The following GRK1 variants were observed in gnomAD, a reference collection of about 807,000 sequenced individuals.
GRK1 encodes G protein-coupled receptor kinase 1.
GRK1 carries 28 observed loss-of-function variants against 41.7 expected under a neutral mutation model. The observed-to-expected ratio is 0.67, with a 90% CI of 0.50 to 0.92. The LOEUF (loss-of-function observed/expected upper bound fraction) is 0.92, where lower values mean the gene tolerates loss of function less well. GRK1 is among the 40% of genes least tolerant of loss of function. The pLI, the probability that GRK1 is intolerant of heterozygous loss-of-function variation, is 0.00. For synonymous variants in GRK1, 327 were observed against 286.7 expected, an observed-to-expected ratio of 1.14 and a Z score of -1.42; for missense variants, 703 against 671.2, an observed-to-expected ratio of 1.05 and a Z score of -0.52.
chr13:113,724,772 G>A (rs1287273084), intron 4 of GRK1, among the ~76,000 whole-genome samples: 1 of 152,216 alleles, frequency 6.6e-6, no homozygotes, highest in Non-Finnish European at 1.5e-5. Context: ...TTCGTGAGAT[G>A]ATCCAAGCCT....
intron 4 of GRK1, among the ~76,000 whole-genome samples, chr13:113,729,855 C>T (rs1291700773): frequency 1.3e-5 from 2 of 151,472 alleles, no homozygotes; most frequent in African/African-American, 4.9e-5. Flanking sequence ...CCGAGACAGT[C>T]CCCATGGATG....
At chr13:113,651,764 C>A in the GRK1 span, 11 of 1,607,804 alleles carry the variant, frequency 6.8e-6, no homozygotes, top group Non-Finnish European at 9.3e-6. Context: ...CGCTCCCCAC[C>A]CCCACCGCCA....
At chr13:113,659,823 TA>T in the GRK1 span, among the ~76,000 whole-genome samples, 1 of 152,000 alleles carries the variant, frequency 6.6e-6, no homozygotes, top group East Asian at 1.9e-4. Flanking sequence ...GGTCTGGCAG[TA>T]AAGGCCACAG....
At position 113,731,299 on chromosome 13, in the gene GRK1, G is replaced by C; in HGVS notation, c.1150G>C (p.Glu384Gln). 1 of 1,537,116 alleles carries C rather than the reference G, an allele frequency of 6.5e-7. No individual in the cohort carries two copies. Among genetic ancestry groups the C allele is most frequent in the South Asian group, 1.2e-5 (1 of 84,060 alleles). ...CTTTGCCCTGGGGGTCACCCTGTAT[G>C]AGATGATTGCGGCCAGAGGACCCTT... is the stretch of plus-strand genomic sequence containing the variant. ...DYFALGVTLY[E>Q]MIAARGPFRA... The change falls in exon 5 of 7, where the codon GAG becomes CAG. Residue 384 changes from glutamate to glutamine, a missense_variant. Coordinates refer to ENST00000335678, the MANE Select transcript of GRK1 (RefSeq NM_002929.3). This position sits in a 1 kb window ranked among gnomAD's most constrained non-coding sequence, Gnocchi z 5.6.
chr13:113,733,739 G>GTA (rs2049964833), intron 6 of GRK1, among the ~76,000 whole-genome samples: 1 of 148,674 alleles, frequency 6.7e-6, no homozygotes, highest in Non-Finnish European at 1.5e-5. Context: ...GCGTGTGTAT[G>GTA]TGTGCATACA....
the GRK1 span, chr13:113,653,330 A>G: frequency 6.2e-7 from 1 of 1,613,190 alleles, no homozygotes; most frequent in Non-Finnish European, 8.5e-7. Flanking sequence ...CCTGCTAGGA[A>G]GGCGTGGAGA....
At position 113,731,627 on chromosome 13, in the gene GRK1, C is replaced by T. The variant is rs2049938106; in HGVS notation, c.1194+284C>T. ...GCAGACCCTCCCACCAGACAGCACGCCACCACTCAGCCTCTGAGGGCCCTG... is the reference window on the plus strand; with the variant it reads ...GCAGACCCTCCCACCAGACAGCACGTCACCACTCAGCCTCTGAGGGCCCTG... On this transcript the variant is annotated intron_variant, in intron 5 of 6. Transcript: ENST00000335678. The surrounding 1 kb of genome is among the most constrained non-coding windows in gnomAD (Gnocchi z 5.6). Among the ~76,000 whole-genome samples the T allele has an allele frequency of 6.6e-6, 1 of 152,212 alleles. No homozygotes were observed. Among genetic ancestry groups the T allele is most frequent in the Non-Finnish European group, 1.5e-5 (1 of 68,032 alleles).
upstream of GRK1, chr13:113,667,021 T>G: frequency 1.7e-5 from 3 of 176,260 alleles, no homozygotes; most frequent in Non-Finnish European, 3.6e-5. The surrounding 1 kb of genome is among the most constrained non-coding windows in gnomAD (Gnocchi z 7.5). Flanking sequence ...AGAAGCCTGG[T>G]GGTTGTTTGT....
intron 6 of GRK1, among the ~76,000 whole-genome samples, chr13:113,733,710 T>TGC (rs778886013): frequency 1.5e-5 from 2 of 137,052 alleles, no homozygotes; most frequent in African/African-American, 2.9e-5. Context: ...TGTGCGTGTG[T>TGC]GCGCACGTGT....
At chr13:113,651,699 G>A in the GRK1 span, 32 of 1,613,748 alleles carry the variant, frequency 2.0e-5, no homozygotes, top group Admixed American at 1.7e-4. Context: ...TCTGGGGGCC[G>A]AGCCGTTGCT....
the GRK1 span, among the ~76,000 whole-genome samples, chr13:113,656,532 T>G: frequency 2.0e-5 from 3 of 152,150 alleles, no homozygotes; most frequent in Admixed American, 6.5e-5. Context: ...ACCACGGTGT[T>G]CAGGGCACGC....
chr13:113,652,754 G>A, the GRK1 span: 1 of 1,170,074 alleles, frequency 8.5e-7, no homozygotes, highest in Non-Finnish European at 1.2e-6. Context: ...TGAGGCTGGA[G>A]TCCCTGTCCC....
chr13:113,731,407 G>C lies in GRK1; in HGVS notation c.1194+64G>C. The C allele has an allele frequency of 1.3e-6, 2 of 1,529,836 alleles. No individual in the cohort carries two copies. The highest frequency in any genetic ancestry group is 1.8e-6 in the Non-Finnish European group (2 of 1,142,792). The allele number at this position is 1,529,836 out of a possible 1,614,324, so 94.8% of individuals were successfully genotyped here. A position where few individuals can be genotyped will look rare whatever the true frequency, so the allele number is the denominator to read the frequency against. ...GCGCCCTGGCTCTCGATGGGGACGG[G>C]GCAGTGATGGGATCGTTACTGGGGC... On this transcript the variant is annotated intron_variant, in intron 5 of 6. Coordinates refer to ENST00000335678, the MANE Select transcript of GRK1 (RefSeq NM_002929.3). The surrounding 1 kb of genome is among the most constrained non-coding windows in gnomAD (Gnocchi z 5.6).
chr13:113,727,281 G>A (rs1022245351), intron 4 of GRK1, among the ~76,000 whole-genome samples: 5 of 152,394 alleles, frequency 3.3e-5, no homozygotes, highest in Middle Eastern at 3.4e-3. Flanking sequence ...CATGGCTGCC[G>A]CCACTGGAGA....
chr13:113,728,435 TGAGGAGTACCCATGGC>T lies in GRK1; in HGVS notation c.1070-2768_1070-2753del, dbSNP rs1336638480. 8.4e-5 allele frequency among the ~76,000 whole-genome samples: 12 copies of T among 142,624 alleles called. 1 individual carries two copies. The South Asian group carries it at 1.8e-3, about 22-fold the overall frequency. The allele number at this position is 142,624 out of a possible 152,430, so 93.6% of individuals were successfully genotyped here. Reference sequence around the variant, plus strand: ...TGGTGATGAGGAGTACCCATGGCGATGAGGAGTACCCATGGCGAGGAGTACCCATGGTGATGAGGAG... The same window carrying T: ...TGGTGATGAGGAGTACCCATGGCGATGAGGAGTACCCATGGTGATGAGGAG... On this transcript the variant is annotated intron_variant, in intron 4 of 6. Transcript: ENST00000335678.
At chr13:113,655,577 T>C in the GRK1 span, among the ~76,000 whole-genome samples, 2 of 152,138 alleles carry the variant, frequency 1.3e-5, no homozygotes, top group Admixed American at 6.5e-5. Flanking sequence ...GAAGCCACCG[T>C]CCCCGTGGCC....
chr13:113,649,538 G>A, the GRK1 span: 1 of 1,511,262 alleles, frequency 6.6e-7, no homozygotes, highest in African/African-American at 1.4e-5. The surrounding 1 kb of genome is among the most constrained non-coding windows in gnomAD (Gnocchi z 4.7). Context: ...TAGTGGGGCT[G>A]AAGTGGGAGT....
chr13:113,733,543 G>T (rs1367731087), intron 6 of GRK1, among the ~76,000 whole-genome samples: 1 of 131,778 alleles, frequency 7.6e-6, no homozygotes, highest in Non-Finnish European at 1.8e-5. Flanking sequence ...GTGTGCATGC[G>T]TGTGCGCGCA....
At chr13:113,669,330 G>A (rs77705566) in intron 1 of GRK1, among the ~76,000 whole-genome samples, 1,967 of 152,316 alleles carry the variant, frequency 0.013, 34 homozygotes, top group African/African-American at 0.042. Context: ...CCCAGCCCAC[G>A]GGGGCCTGGA....
Sources: allele counts gnomAD v4.1 joint callset (sites outside exome capture counted in the v4.1 genomes callset), GRCh38; gene constraint gnomAD v4.1.1; non-coding constraint Gnocchi (gnomAD v3.1); transcripts MANE v1.5; gene names NCBI Gene and HGNC (gene_info 2026-07-23, HGNC 2026-07-21).